The following CEP63 variants were observed in gnomAD, a reference collection of about 807,000 sequenced individuals.
The protein encoded by CEP63 is centrosomal protein 63, also known as centrosomal protein of 63 kDa.
A neutral mutation model predicts 89.1 loss-of-function variants in CEP63; 84 were observed. That is an observed-to-expected ratio of 0.94 (90% CI 0.79 to 1.13). CEP63 has a LOEUF of 1.13. CEP63 is among the 50% of genes most tolerant of loss of function. The pLI is 0.00. For synonymous variants in CEP63, 267 were observed against 272.5 expected, an observed-to-expected ratio of 0.98 and a Z score of 0.20; for missense variants, 838 against 813.3, an observed-to-expected ratio of 1.03 and a Z score of -0.37.
At chr3:134,680,605 G>T in the CEP63 span, among the ~76,000 whole-genome samples, 2 of 152,168 alleles carry the variant, frequency 1.3e-5, no homozygotes, top group African/African-American at 4.8e-5. Context: ...ATGGAAGAGG[G>T]TGTAAAATAT....
the CEP63 span, among the ~76,000 whole-genome samples, chr3:134,729,655 A>G: frequency 2.0e-5 from 3 of 152,206 alleles, no homozygotes; most frequent in Non-Finnish European, 4.4e-5. Context: ...GGTTCAAAGG[A>G]ATTACTTTTA....
At chr3:134,678,647 A>G in the CEP63 span, among the ~76,000 whole-genome samples, 1 of 152,246 alleles carries the variant, frequency 6.6e-6, no homozygotes, top group Non-Finnish European at 1.5e-5. Context: ...AGTGGGTTCT[A>G]TAAGTGTCCT....
intron 6 of CEP63, among the ~76,000 whole-genome samples, chr3:134,539,668 A>G (rs987823299): frequency 7.9e-5 from 12 of 152,154 alleles, no homozygotes; most frequent in African/African-American, 2.9e-4. Context: ...AGGCTGAGTA[A>G]GTGGATATTA....
chr3:134,604,848 C>T, the CEP63 span, among the ~76,000 whole-genome samples: 6 of 152,310 alleles, frequency 3.9e-5, no homozygotes, highest in East Asian at 1.2e-3. Context: ...GGAGGGGCAC[C>T]ATCTCCCCCA....
chr3:134,688,303 C>T, the CEP63 span, among the ~76,000 whole-genome samples: 7 of 152,288 alleles, frequency 4.6e-5, no homozygotes, highest in Admixed American at 2.6e-4. Context: ...GTATATTGTA[C>T]GATTCCATCT....
chr3:134,510,771 G>C (rs1944661438), intron 3 of CEP63: 1 of 378,802 alleles, frequency 2.6e-6, no homozygotes, highest in Non-Finnish European at 5.1e-6. Flanking sequence ...CTCTGCCTCT[G>C]GTGTCCCACC....
rs1560007405 is a variant in CEP63, at chr3:134,547,333, A to G, written c.930-2A>G. ...TAACAATCATCCTATGTCTTTCCATAGGCCACGGGAAGAATCTCTGGCAGA... is the reference window on the plus strand; with the variant it reads ...TAACAATCATCCTATGTCTTTCCATGGGCCACGGGAAGAATCTCTGGCAGA... On this transcript the variant is annotated splice_acceptor_variant, in intron 8 of 14. Transcript: ENST00000675561. LOFTEE classifies it high-confidence loss of function. 6.2e-7 allele frequency: 1 copy of G among 1,613,312 alleles called. No individual in the cohort carries two copies. The highest frequency in any genetic ancestry group is 2.2e-5 in the East Asian group (1 of 44,854).
At chr3:134,765,617 C>A in the CEP63 span, among the ~76,000 whole-genome samples, 4 of 152,304 alleles carry the variant, frequency 2.6e-5, no homozygotes, top group East Asian at 7.7e-4. Context: ...GTGTACAGAT[C>A]TGGCAGGACT....
At chr3:134,698,010 G>T in the CEP63 span, among the ~76,000 whole-genome samples, 1 of 152,182 alleles carries the variant, frequency 6.6e-6, no homozygotes, top group Non-Finnish European at 1.5e-5. Context: ...CATACAGGTT[G>T]TCCAGACATG....
chr3:134,743,550 G>A, the CEP63 span, among the ~76,000 whole-genome samples: 53 of 152,242 alleles, frequency 3.5e-4, 1 homozygote, highest in East Asian at 8.9e-3. Flanking sequence ...CCATGTATGA[G>A]TTCAGGGCTC....
intron 3 of CEP63, among the ~76,000 whole-genome samples, chr3:134,518,355 A>T (rs1019867823): frequency 2.0e-5 from 3 of 152,164 alleles, no homozygotes; most frequent in Non-Finnish European, 4.4e-5. Flanking sequence ...TAACTGCTGA[A>T]TACACATCCA....
At chr3:134,538,547 A>ATATATATATATATATATATG (rs1411880610) in intron 6 of CEP63, among the ~76,000 whole-genome samples, 9 of 140,478 alleles carry the variant, frequency 6.4e-5, no homozygotes, top group Non-Finnish European at 1.4e-4. Flanking sequence ...ATATATATAT[A>ATATATATATATATATATATG]TATATATGTA....
At chr3:134,735,570 A>G in the CEP63 span, among the ~76,000 whole-genome samples, 2 of 152,148 alleles carry the variant, frequency 1.3e-5, no homozygotes, top group Non-Finnish European at 2.9e-5. Context: ...AAGAAGGTAG[A>G]GCATCACCTT....
intron 1 of CEP63, among the ~76,000 whole-genome samples, chr3:134,488,560 G>C (rs1936489836): frequency 6.6e-6 from 1 of 151,338 alleles, no homozygotes; most frequent in Non-Finnish European, 1.5e-5. Context: ...AGTGAGCCGA[G>C]ATCACACCAT....
chr3:134,581,964 C>T lies in CEP63; in HGVS notation c.1207-5494C>T, dbSNP rs1178810409. Among the ~76,000 whole-genome samples the T allele has an allele frequency of 7.2e-5, 11 of 151,962 alleles. No individual in the cohort carries two copies. In the South Asian group the frequency reaches 8.3e-4, roughly 11 times the overall value. On this transcript the variant is annotated intron_variant, in intron 10 of 10. Coordinates refer to the CEP63 transcript ENST00000683931. Reference sequence around the variant, plus strand: ...TGCTGGGATTACAGGCGTGAGCCACCGCGCCCGGCCGAAAACATTTTTTTA... The same window carrying T: ...TGCTGGGATTACAGGCGTGAGCCACTGCGCCCGGCCGAAAACATTTTTTTA...
chr3:134,632,444 A>T, the CEP63 span, among the ~76,000 whole-genome samples: 10 of 152,064 alleles, frequency 6.6e-5, no homozygotes, highest in Admixed American at 6.5e-4. Context: ...AACTAGAAGT[A>T]AAAAACAGAA....
intron 1 of CEP63, among the ~76,000 whole-genome samples, chr3:134,489,514 T>G (rs2107838303): frequency 6.6e-6 from 1 of 152,292 alleles, no homozygotes; most frequent in African/African-American, 2.4e-5. Context: ...TGTAGTTAGC[T>G]CCATCCACCC....
the CEP63 span, among the ~76,000 whole-genome samples, chr3:134,635,801 A>G: frequency 6.6e-6 from 1 of 152,196 alleles, no homozygotes; most frequent in Non-Finnish European, 1.5e-5. Context: ...AATTAAAACA[A>G]AAACTTGGAT....
chr3:134,656,246 C>G, the CEP63 span, among the ~76,000 whole-genome samples: 1 of 152,146 alleles, frequency 6.6e-6, no homozygotes, highest in Non-Finnish European at 1.5e-5. Context: ...GAGAGAGGGA[C>G]AGGCTTTCCA....
Sources: allele counts gnomAD v4.1 joint callset (sites outside exome capture counted in the v4.1 genomes callset), GRCh38; gene constraint gnomAD v4.1.1; transcripts MANE v1.5; gene names NCBI Gene and HGNC (gene_info 2026-07-23, HGNC 2026-07-21).